Variants in PCLO observed in about 807,000 individuals in gnomAD.
PCLO encodes protein piccolo.
PCLO carries 82 observed loss-of-function variants against 427.5 expected under a neutral mutation model. That is an observed-to-expected ratio of 0.19 (90% CI 0.16 to 0.23). The LOEUF (loss-of-function observed/expected upper bound fraction) is 0.23. Among genes scored for constraint, PCLO ranks in the 10% least tolerant of loss-of-function variants. The pLI is 1.00. For synonymous variants in PCLO, 2,357 were observed against 2,155.4 expected (o/e 1.09, Z -2.59); for missense variants, 6,239 against 6,115.9 (o/e 1.02, Z -0.67).
chr7:83,160,687 A>C (rs1792413312), intron 1 of PCLO, among the ~76,000 whole-genome samples: 2 of 152,250 alleles, frequency 1.3e-5, no homozygotes, highest in South Asian at 4.1e-4. Context: ...ATAGTGCATG[A>C]AGCAACAGTT....
At chr7:82,794,900 A>T (rs988811032) in intron 22 of PCLO, among the ~76,000 whole-genome samples, 25 of 152,048 alleles carry the variant, frequency 1.6e-4, no homozygotes, top group African/African-American at 5.8e-4. Flanking sequence ...AATCTTATTT[A>T]TCATTTGCTC....
chr7:82,904,446 C>T (rs971716320), intron 8 of PCLO, among the ~76,000 whole-genome samples: 1 of 151,820 alleles, frequency 6.6e-6, no homozygotes, highest in African/African-American at 2.4e-5. Context: ...AAATCATATG[C>T]ATTGAAAATT....
At chr7:83,034,547 T>C (rs2116165356) in intron 3 of PCLO, among the ~76,000 whole-genome samples, 1 of 152,306 alleles carries the variant, frequency 6.6e-6, no homozygotes, top group Middle Eastern at 3.4e-3. Flanking sequence ...AACTTTCCAA[T>C]AATGATGCAG....
intron 10 of PCLO, among the ~76,000 whole-genome samples, chr7:82,862,978 A>C (rs1793000175): frequency 6.6e-6 from 1 of 151,992 alleles, no homozygotes; most frequent in South Asian, 2.1e-4. Flanking sequence ...TTAATTGTAC[A>C]TTTCAAAATA....
chr7:82,957,208 A>AT (rs1299807157), intron 4 of PCLO, among the ~76,000 whole-genome samples: 6 of 152,166 alleles, frequency 3.9e-5, no homozygotes, highest in Non-Finnish European at 7.3e-5. Context: ...TTTCAATGTC[A>AT]TTTTCCCTCA....
rs1258016042 is a variant in PCLO at position 82,952,731 on chromosome 7, G to C, written c.8222C>G (p.Thr2741Ser). The C allele has an allele frequency of 1.2e-6, 2 of 1,613,530 alleles. No homozygotes were observed. Among genetic ancestry groups the C allele is most frequent in the African/African-American group, 2.7e-5 (2 of 74,936 alleles). ...AGCAGAAAGATCAATACATTTATCA[G>C]TTGTTTTAACTTCTACCTTTGGTAC... Reference protein sequence around the residue: ...RTVPKVEVKTTDKCIDLSAST... With the variant: ...RTVPKVEVKTSDKCIDLSAST... The change falls in exon 5 of 25, where the codon ACT (threonine) becomes AGT (serine). Residue 2741 changes from threonine (T) to serine (S), a missense_variant. By Grantham distance (58) the Thr-to-Ser change is moderately conservative (BLOSUM62 1). Around this residue, in one of 5 missense-constraint regions of PCLO, gnomAD observed 4,677 missense variants for 4,468.4 expected, o/e 1.05. Transcript: ENST00000333891.
intron 3 of PCLO, among the ~76,000 whole-genome samples, chr7:83,004,951 C>T (rs1434769854): frequency 2.0e-5 from 3 of 151,096 alleles, no homozygotes; most frequent in South Asian, 2.1e-4. Flanking sequence ...ATCAGGAAAA[C>T]GCGAATCAAA....
chr7:82,766,322 T>C (rs1006937355), intron 22 of PCLO, among the ~76,000 whole-genome samples: 4 of 152,008 alleles, frequency 2.6e-5, no homozygotes, highest in African/African-American at 7.2e-5. Flanking sequence ...TATCTTTTCA[T>C]AGGAATAACA....
chr7:83,132,026 A>G (rs1244387958), intron 3 of PCLO, among the ~76,000 whole-genome samples: 1 of 152,108 alleles, frequency 6.6e-6, no homozygotes, highest in African/African-American at 2.4e-5. Context: ...ATTCTTTTCA[A>G]CTAACTCCTT....
intron 10 of PCLO, among the ~76,000 whole-genome samples, chr7:82,872,361 T>C (rs1793257411): frequency 6.6e-6 from 1 of 151,896 alleles, no homozygotes; most frequent in Admixed American, 6.6e-5. Flanking sequence ...AATATGATCA[T>C]ACTCAGCACT....
At chr7:83,140,059 G>A (rs775576339) in intron 2 of PCLO, among the ~76,000 whole-genome samples, 16 of 152,150 alleles carry the variant, frequency 1.1e-4, no homozygotes, top group Admixed American at 7.9e-4. Context: ...CAGCATTAAC[G>A]TCACAAACCA....
At chr7:83,051,938 G>T (rs1483039615) in intron 3 of PCLO, among the ~76,000 whole-genome samples, 1 of 151,972 alleles carries the variant, frequency 6.6e-6, no homozygotes, top group Non-Finnish European at 1.5e-5. Flanking sequence ...AATGGAGAAA[G>T]GATGTTTTTT....
chr7:82,827,833 A>G (rs1313910643), intron 17 of PCLO, 40 bp downstream of exon 17: 3 of 1,113,280 alleles, frequency 2.7e-6, no homozygotes, highest in Middle Eastern at 2.4e-4. Context: ...CTGTACTTAT[A>G]TTAGCCTAAT....
chr7:82,980,563 T>C (rs751189272), intron 3 of PCLO, among the ~76,000 whole-genome samples: 47 of 152,298 alleles, frequency 3.1e-4, no homozygotes, highest in Non-Finnish European at 6.0e-4. Flanking sequence ...CTCAGTGGGC[T>C]TGGCTGAAAA....
At chr7:82,830,227 T>C (rs1250633167) in intron 16 of PCLO, among the ~76,000 whole-genome samples, 1 of 151,886 alleles carries the variant, frequency 6.6e-6, no homozygotes, top group Non-Finnish European at 1.5e-5. Context: ...CACACAGGTA[T>C]TTGTTAGGGT....
intron 9 of PCLO, among the ~76,000 whole-genome samples, chr7:82,895,676 A>T (rs1793886461): frequency 6.6e-6 from 1 of 151,988 alleles, no homozygotes; most frequent in African/African-American, 2.4e-5. Context: ...ATAAAGTATG[A>T]TGAATACATT....
chr7:82,874,099 T>A (rs566638012), intron 10 of PCLO, among the ~76,000 whole-genome samples: 66 of 152,118 alleles, frequency 4.3e-4, no homozygotes, highest in Admixed American at 1.4e-3. Flanking sequence ...AAACCGCACA[T>A]ATCGTTTTAT....
At chr7:83,138,576 G>A (rs1418168882) in intron 2 of PCLO, among the ~76,000 whole-genome samples, 2 of 152,006 alleles carry the variant, frequency 1.3e-5, no homozygotes, top group East Asian at 1.9e-4. Context: ...TTGGAGAATC[G>A]CTTAAACCTG....
At chr7:82,881,302 T>C (rs1219917217) in intron 9 of PCLO, among the ~76,000 whole-genome samples, 1 of 152,192 alleles carries the variant, frequency 6.6e-6, no homozygotes, top group Non-Finnish European at 1.5e-5. Context: ...ATTCTGCAAA[T>C]GACAGTGTCT....
Sources: allele counts gnomAD v4.1 joint callset (sites outside exome capture counted in the v4.1 genomes callset), GRCh38; gene constraint gnomAD v4.1.1; regional missense constraint gnomAD v4.1.1; transcripts MANE v1.5; gene names NCBI Gene and HGNC (gene_info 2026-07-23, HGNC 2026-07-21).